GPR158: variants seen among roughly 807,000 people sequenced by gnomAD.
GPR158 encodes G protein-coupled receptor 158.
GPR158 carries 30 observed loss-of-function variants against 78.2 expected under a neutral mutation model. The ratio of observed to expected loss-of-function variants is 0.38; its 90% CI spans 0.29 to 0.52. The LOEUF (loss-of-function observed/expected upper bound fraction) is 0.52. GPR158 is among the 20% of genes least tolerant of loss of function. GPR158 has a pLI of 0.83. For synonymous variants in GPR158, 581 were observed against 591.1 expected, an observed-to-expected ratio of 0.98 and a Z score of 0.25; for missense variants, 1,463 against 1,523.5, an observed-to-expected ratio of 0.96 and a Z score of 0.66.
chr10:25,523,251 G>A lies in GPR158; in HGVS notation c.1405-27725G>A, dbSNP rs181500319. ...GCTCCTGAAGTCCTGTGGATCCAGG[G>A]GTTGGGAGAAGGGCTAGAAATGGAA... On this transcript the variant is annotated intron_variant, in intron 5 of 10. Coordinates refer to ENST00000376351, the MANE Select transcript of GPR158 (RefSeq NM_020752.3). 1.8e-3 allele frequency among the ~76,000 whole-genome samples: 269 copies of A among 152,326 alleles called. 1 individual carries two copies. The highest frequency in any genetic ancestry group is 6.2e-3 in the African/African-American group (258 of 41,578).
rs192749112 is a variant in GPR158, at chr10:25,371,223, G to T, written c.1009-24688G>T. Among the ~76,000 whole-genome samples the T allele has an allele frequency of 9.7e-4, 145 of 149,254 alleles. 1 individual carries two copies. The highest frequency in any genetic ancestry group is 6.9e-3 in the Middle Eastern group (2 of 290). ...TGATCCTGTCATTATGATGTTAGCT[G>T]GTTATTTTGCTCATTAGTTGATGCA... is the stretch of plus-strand genomic sequence containing the variant. On this transcript the variant is annotated intron_variant, in intron 2 of 10. Transcript: ENST00000376351.
At position 25,597,828 on chromosome 10, in the gene GPR158, C is replaced by T; in HGVS notation, c.2202C>T (p.Ile734=). The T allele has an allele frequency of 3.3e-6, 5 of 1,526,394 alleles. No homozygotes were observed. The highest frequency in any genetic ancestry group is 3.5e-6 in the Non-Finnish European group (4 of 1,139,802). The allele number at this position is 1,526,394 out of a possible 1,614,324, so 94.6% of individuals were successfully genotyped here. The change falls in exon 11 of 11, where the codon ATC becomes ATT. Residue 734 remains isoleucine, a synonymous_variant. Coordinates refer to ENST00000376351, the MANE Select transcript of GPR158 (RefSeq NM_020752.3). ...QLEIYKRKKM[I]TNNPHLQKKR... The stretch of plus-strand genomic sequence containing the variant: ...AAATATATAAAAGAAAGAAGATGAT[C>T]ACAAACAACCCCCACCTCCAGAAAA...
At chr10:25,395,759 C>T (rs1834356072) in intron 2 of GPR158, 152 bp from the exon 3 acceptor site, 1 of 487,368 alleles carries the variant, frequency 2.1e-6, no homozygotes, top group Non-Finnish European at 3.7e-6. Flanking sequence ...AAATTGTTGG[C>T]ACAACAAAAC....
At chr10:25,530,033 C>G (rs1224116064) in intron 5 of GPR158, among the ~76,000 whole-genome samples, 2 of 152,114 alleles carry the variant, frequency 1.3e-5, no homozygotes, top group Non-Finnish European at 2.9e-5. Flanking sequence ...CTAGACTCAT[C>G]CTCTCCCCCT....
chr10:25,580,026 G>A (rs928590468), intron 7 of GPR158, among the ~76,000 whole-genome samples: 1 of 152,082 alleles, frequency 6.6e-6, no homozygotes, highest in Non-Finnish European at 1.5e-5. Flanking sequence ...TCATGGTTGT[G>A]AAAGTCCACT....
At chr10:25,241,264 TTTCTTTCCTTTCTTTC>T (rs1853612663) in intron 2 of GPR158, among the ~76,000 whole-genome samples, 3 of 129,262 alleles carry the variant, frequency 2.3e-5, no homozygotes, top group African/African-American at 6.2e-5. Context: ...CTTTCCTTTC[TTTCTTTCCTTTCTTTC>T]TTTCTTTTCT....
At chr10:25,472,104 T>G (rs1486161492) in intron 5 of GPR158, among the ~76,000 whole-genome samples, 1 of 152,324 alleles carries the variant, frequency 6.6e-6, no homozygotes, top group East Asian at 1.9e-4. Flanking sequence ...AGGTCTAACA[T>G]TTAAGTCTTT....
intron 2 of GPR158, among the ~76,000 whole-genome samples, chr10:25,355,527 A>T (rs1382041984): frequency 6.6e-6 from 1 of 151,950 alleles, no homozygotes; most frequent in African/African-American, 2.4e-5. Flanking sequence ...TGGCTCCTTT[A>T]TCTGTTTGAG....
intron 1 of GPR158, among the ~76,000 whole-genome samples, chr10:25,218,163 T>C (rs1488211229): frequency 2.0e-5 from 3 of 151,908 alleles, no homozygotes; most frequent in African/African-American, 7.3e-5. Flanking sequence ...CGACAGGAAG[T>C]CTACAGCGCC....
chr10:25,257,011 A>G (rs944014836), intron 2 of GPR158, among the ~76,000 whole-genome samples: 1 of 152,200 alleles, frequency 6.6e-6, no homozygotes, highest in Non-Finnish European at 1.5e-5. Flanking sequence ...TATATGTCTT[A>G]GTTCATTTTC....
In GPR158 at chr10:25,356,234, A is replaced by G. The variant is rs562834706; in HGVS notation, c.1009-39677A>G. ...ATGTACTCAGAGTTTTTTCACTTCT[A>G]TGTGGCCCAGGAACCTGCCTATCCA... On this transcript the variant is annotated intron_variant, in intron 2 of 10. Transcript: ENST00000376351. Among the ~76,000 whole-genome samples, 21 of 152,114 alleles carry G rather than the reference A, an allele frequency of 1.4e-4. No homozygotes were observed. In the South Asian group the frequency reaches 3.3e-3, roughly 24 times the overall value.
chr10:25,559,775 T>C (rs964301543), intron 6 of GPR158, among the ~76,000 whole-genome samples: 5 of 152,212 alleles, frequency 3.3e-5, no homozygotes, highest in African/African-American at 1.2e-4. Context: ...GGTTTTAATT[T>C]CTTTACATTT....
chr10:25,286,766 CA>C (rs1233840547), intron 2 of GPR158, among the ~76,000 whole-genome samples: 5 of 152,104 alleles, frequency 3.3e-5, no homozygotes, highest in African/African-American at 1.2e-4. Context: ...TCAATATGGA[CA>C]GGAATTGGTC....
At chr10:25,322,493 C>A (rs1026112464) in intron 2 of GPR158, among the ~76,000 whole-genome samples, 11 of 152,254 alleles carry the variant, frequency 7.2e-5, no homozygotes, top group African/African-American at 2.4e-4. Context: ...TGTATCTTTA[C>A]AAAATTTTGC....
At chr10:25,185,771 C>T (rs1035445739) in intron 1 of GPR158, among the ~76,000 whole-genome samples, 1 of 151,506 alleles carries the variant, frequency 6.6e-6, no homozygotes, top group Non-Finnish European at 1.5e-5. Context: ...TGCAGTGAGC[C>T]GAGATGGCAC....
chr10:25,491,185 A>G (rs1999111), intron 5 of GPR158, among the ~76,000 whole-genome samples: 114,590 of 152,090 alleles, frequency 0.75, 44,090 homozygotes, highest in East Asian at 1. Context: ...GATCTTTGTA[A>G]AAGAGTCAAT....
At chr10:25,469,541 T>A (rs1835466080) in intron 5 of GPR158, among the ~76,000 whole-genome samples, 2 of 152,058 alleles carry the variant, frequency 1.3e-5, no homozygotes, top group Admixed American at 1.3e-4. Context: ...ATCCCAGCAC[T>A]TTGGGAGGCC....
At chr10:25,397,971 C>T (rs11818261) in intron 3 of GPR158, among the ~76,000 whole-genome samples, 13,365 of 152,194 alleles carry the variant, frequency 0.088, 644 homozygotes, top group East Asian at 0.17. Flanking sequence ...GAGAGAGCCA[C>T]GTGGTTGGGG....
chr10:25,368,465 C>A (rs111749539), intron 2 of GPR158, among the ~76,000 whole-genome samples: 1 of 151,712 alleles, frequency 6.6e-6, no homozygotes, highest in Non-Finnish European at 1.5e-5. Flanking sequence ...ATACATATGG[C>A]CAATGATCAT....
Sources: allele counts gnomAD v4.1 joint callset (sites outside exome capture counted in the v4.1 genomes callset), GRCh38; gene constraint gnomAD v4.1.1; transcripts MANE v1.5; gene names NCBI Gene and HGNC (gene_info 2026-07-23, HGNC 2026-07-21).